STARD3: variants seen among roughly 807,000 people sequenced by gnomAD.
STARD3 encodes StAR related lipid transfer domain containing 3.
In STARD3, 39 loss-of-function variants were observed where a neutral mutation model predicts 62.0. The ratio of observed to expected loss-of-function variants is 0.63; its 90% CI spans 0.49 to 0.82. The LOEUF (loss-of-function observed/expected upper bound fraction) is 0.82. Ranked by LOEUF, STARD3 falls within the 40% of genes least tolerant of loss-of-function variation. STARD3 has a pLI of 0.00. For missense variants in STARD3, 543 were observed against 584.5 expected (o/e 0.93, Z 0.73); for synonymous variants, 229 against 242.4 (o/e 0.94, Z 0.51).
chr17:39,655,266 G>A (rs576204448), intron 2 of STARD3, among the ~76,000 whole-genome samples: 1 of 152,274 alleles, frequency 6.6e-6, no homozygotes, highest in Admixed American at 6.5e-5. Context: ...GCTCACTGTA[G>A]CCTCCAACTC....
At chr17:39,661,843 C>T (rs1296140734) in intron 13 of STARD3, among the ~76,000 whole-genome samples, 2 of 152,198 alleles carry the variant, frequency 1.3e-5, no homozygotes, top group African/African-American at 2.4e-5. Context: ...GGATGTGAAC[C>T]GTGCCTCCCA....
At chr17:39,655,085 C>A (rs910076767) in intron 2 of STARD3, among the ~76,000 whole-genome samples, 1 of 152,234 alleles carries the variant, frequency 6.6e-6, no homozygotes, top group African/African-American at 2.4e-5. Flanking sequence ...TTTTCAAGGT[C>A]CCATCCAACA....
chr17:39,645,604 C>T (rs887778660), intron 1 of STARD3, among the ~76,000 whole-genome samples: 19 of 151,882 alleles, frequency 1.3e-4, no homozygotes, highest in Non-Finnish European at 2.4e-4. Context: ...CAAGTAGCTG[C>T]GATTACAGGC....
intron 1 of STARD3, among the ~76,000 whole-genome samples, chr17:39,641,000 G>C (rs1308324149): frequency 6.6e-6 from 1 of 152,226 alleles, no homozygotes; most frequent in African/African-American, 2.4e-5. Flanking sequence ...AACCCTCTGT[G>C]GAGGGCTATA....
In STARD3 at chr17:39,660,193, CTTCTGTCCCTGCCATA is replaced by C. The variant is rs777163163; in HGVS notation, c.796-17_796-2del. 1 of 1,613,832 alleles carries C rather than the reference CTTCTGTCCCTGCCATA, an allele frequency of 6.2e-7. No individual in the cohort carries two copies. The highest frequency in any genetic ancestry group is 8.5e-7 in the Non-Finnish European group (1 of 1,179,836). On this transcript the variant is annotated splice_acceptor_variant and splice_polypyrimidine_tract_variant and intron_variant, in intron 9 of 14. Transcript: ENST00000336308. LOFTEE classifies it high-confidence loss of function. The surrounding 1 kb of genome is among the most constrained non-coding windows in gnomAD (Gnocchi z 4.8). ...CTGCCTCCACTCTCCTCCCTGCCAC[CTTCTGTCCCTGCCATA>C]GGAATATGGGGACACCGTGTACACC... is the stretch of plus-strand genomic sequence containing the variant.
chr17:39,662,550 T>G, intron 14 of STARD3: 1 of 639,836 alleles, frequency 1.6e-6, no homozygotes. Context: ...CCTTCTTACC[T>G]CTGAGTCCTG....
intron 1 of STARD3, among the ~76,000 whole-genome samples, chr17:39,648,606 G>A (rs553346070): frequency 7.2e-5 from 11 of 152,252 alleles, no homozygotes; most frequent in African/African-American, 1.2e-4. Flanking sequence ...CCTTAACTCT[G>A]GGCCAGTGCT....
At chr17:39,654,510 G>A (rs990730406) in intron 2 of STARD3, among the ~76,000 whole-genome samples, 1 of 152,208 alleles carries the variant, frequency 6.6e-6, no homozygotes, top group Non-Finnish European at 1.5e-5. Flanking sequence ...GGAGACCAGA[G>A]CTGCCCCACC....
intron 2 of STARD3, 131 bp from the exon 3 acceptor site, chr17:39,656,877 G>C: frequency 3.7e-6 from 3 of 809,234 alleles, no homozygotes; most frequent in South Asian, 3.2e-5. Context: ...GGCCCCCTGG[G>C]TGGTGGCTTA....
At chr17:39,642,168 G>A (rs1327010241) in intron 1 of STARD3, among the ~76,000 whole-genome samples, 1 of 152,244 alleles carries the variant, frequency 6.6e-6, no homozygotes, top group Non-Finnish European at 1.5e-5. Context: ...CAGAGTAGAG[G>A]CAGCGAGTGT....
At chr17:39,662,374 T>A in intron 14 of STARD3, 30 bp downstream of exon 14, 1 of 1,604,274 alleles carries the variant, frequency 6.2e-7, no homozygotes, top group Non-Finnish European at 8.5e-7. Flanking sequence ...CCAGGTGGGT[T>A]CTGTGGAGTG....
At chr17:39,651,058 C>T (rs1208203490) in intron 1 of STARD3, among the ~76,000 whole-genome samples, 1 of 152,222 alleles carries the variant, frequency 6.6e-6, no homozygotes, top group Non-Finnish European at 1.5e-5. Flanking sequence ...AGCGGCCTGT[C>T]ACATCCCCTC....
In STARD3 at chr17:39,660,609, C is replaced by T; in HGVS notation, c.954+83C>T. On this transcript the variant is annotated intron_variant, in intron 11 of 14. Coordinates refer to ENST00000336308, the MANE Select transcript of STARD3 (RefSeq NM_006804.4). The surrounding 1 kb of genome is among the most constrained non-coding windows in gnomAD (Gnocchi z 4.8). ...GGGATCACTGAAGCACTCAGCGCCT[C>T]AGCTGCCCCATCTGTACAGTGGGTG... The T allele has an allele frequency of 6.7e-7, 1 of 1,490,706 alleles. No individual in the cohort carries two copies. Among genetic ancestry groups the T allele is most frequent in the Non-Finnish European group, 9.3e-7 (1 of 1,072,392 alleles). The allele number at this position is 1,490,706 out of a possible 1,614,324, so 92.3% of individuals were successfully genotyped here. A position where few individuals can be genotyped will look rare whatever the true frequency, so the allele number is the denominator to read the frequency against.
chr17:39,645,881 CTTTTTT>C (rs71147368), intron 1 of STARD3, among the ~76,000 whole-genome samples: 1 of 55,614 alleles, frequency 1.8e-5, no homozygotes, highest in East Asian at 4.0e-4. Flanking sequence ...GGATTCTTGC[CTTTTTT>C]TTTTTTTTTT....
chr17:39,651,878 C>T (rs1382869179), intron 1 of STARD3: 1 of 152,264 alleles, frequency 6.6e-6, no homozygotes, highest in Non-Finnish European at 1.5e-5. Flanking sequence ...TCCTCTCTGA[C>T]TTTCAGTGGG....
At chr17:39,644,820 C>T (rs1303248066) in intron 1 of STARD3, among the ~76,000 whole-genome samples, 1 of 151,498 alleles carries the variant, frequency 6.6e-6, no homozygotes, top group Non-Finnish European at 1.5e-5. Context: ...TGTAATCACA[C>T]CACTGCACTC....
chr17:39,660,085 C>A lies in STARD3; in HGVS notation c.796-126C>A. The A allele has an allele frequency of 1.1e-6, 1 of 894,868 alleles. No individual in the cohort carries two copies. The highest frequency in any genetic ancestry group is 1.8e-6 in the Non-Finnish European group (1 of 541,696). The allele number at this position is 894,868 out of a possible 1,614,324, so 55.4% of individuals were successfully genotyped here. The stretch of plus-strand genomic sequence containing the variant: ...TGTTTTGTAACAGCTGCTCAGGTGT[C>A]CCCAAACTCCTGGAGTTTTCCACCC... On this transcript the variant is annotated intron_variant, in intron 9 of 14. Coordinates refer to ENST00000336308, the MANE Select transcript of STARD3 (RefSeq NM_006804.4). The surrounding 1 kb of genome is among the most constrained non-coding windows in gnomAD (Gnocchi z 4.8).
chr17:39,656,586 C>T (rs1464263395), intron 2 of STARD3, among the ~76,000 whole-genome samples: 2 of 152,218 alleles, frequency 1.3e-5, no homozygotes, highest in Non-Finnish European at 2.9e-5. Context: ...TGCCCACCCC[C>T]ACCCCCCATC....
chr17:39,660,455 C>G lies in STARD3; in HGVS notation c.883C>G (p.Leu295Val). 6.2e-7 allele frequency: 1 copy of G among 1,613,988 alleles called. No homozygotes were observed. Among genetic ancestry groups the G allele is most frequent in the Non-Finnish European group, 8.5e-7 (1 of 1,180,040 alleles). Residue 295 changes from leucine (L) to valine (V), a missense_variant, in exon 11 of 15, where the codon CTC (leucine) becomes GTC (valine). Coordinates refer to ENST00000336308, the MANE Select transcript of STARD3 (RefSeq NM_006804.4). The surrounding 1 kb of genome is among the most constrained non-coding windows in gnomAD (Gnocchi z 4.8). ...LKTFLPCPAE[L>V]VYQEVILQPE... Reference sequence around the variant, plus strand: ...GACCTTCCTGCCCTGTCCTGCGGAGCTCGTGTACCAGGAGGTGATCCTGCA... The same window carrying G: ...GACCTTCCTGCCCTGTCCTGCGGAGGTCGTGTACCAGGAGGTGATCCTGCA...
Sources: allele counts gnomAD v4.1 joint callset (sites outside exome capture counted in the v4.1 genomes callset), GRCh38; gene constraint gnomAD v4.1.1; non-coding constraint Gnocchi (gnomAD v3.1); transcripts MANE v1.5; gene names NCBI Gene and HGNC (gene_info 2026-07-23, HGNC 2026-07-21).